The following DLGAP2 variants were observed in gnomAD, a reference collection of about 807,000 sequenced individuals.
DLGAP2 encodes the protein disks large-associated protein 2.
DLGAP2 carries 26 observed loss-of-function variants against 100.3 expected under a neutral mutation model. The ratio of observed to expected loss-of-function variants is 0.26; its 90% CI spans 0.19 to 0.36. The LOEUF is 0.36. Ranked by LOEUF, DLGAP2 falls within the 10% of genes least tolerant of loss-of-function variation. DLGAP2 has a pLI of 1.00. For missense variants in DLGAP2, 1,858 were observed against 1,453.2 expected (o/e 1.28, Z -4.53); for synonymous variants, 886 against 630.1 (o/e 1.41, Z -6.08).
chr8:1,307,963 T>G (rs1800528588), intron 3 of DLGAP2, among the ~76,000 whole-genome samples: 1 of 152,032 alleles, frequency 6.6e-6, no homozygotes, highest in Non-Finnish European at 1.5e-5. Flanking sequence ...GTGAATGTCC[T>G]TAACACACCA....
intron 5 of DLGAP2, among the ~76,000 whole-genome samples, chr8:1,556,583 G>A (rs1801973937): frequency 6.6e-6 from 1 of 152,210 alleles, no homozygotes; most frequent in Admixed American, 6.5e-5. Context: ...GAATGATCCT[G>A]GAAGGGCTGA....
chr8:915,044 C>A (rs958920954), intron 2 of DLGAP2, among the ~76,000 whole-genome samples: 1 of 152,238 alleles, frequency 6.6e-6, no homozygotes, highest in African/African-American at 2.4e-5. Context: ...ACAGGGCACA[C>A]TGCCACAGGT....
intron 2 of DLGAP2, among the ~76,000 whole-genome samples, chr8:1,258,137 T>G (rs78096046): frequency 6.6e-6 from 1 of 152,112 alleles, no homozygotes; most frequent in Non-Finnish European, 1.5e-5. Context: ...TACCCATGGA[T>G]TTTAGTGTTT....
intron 2 of DLGAP2, among the ~76,000 whole-genome samples, chr8:934,681 C>CT (rs1325833692): frequency 6.6e-6 from 1 of 152,078 alleles, no homozygotes; most frequent in East Asian, 1.9e-4. Context: ...ACTCATCCTG[C>CT]TTCATGCTCG....
At chr8:1,648,881 C>G (rs368524042) in intron 8 of DLGAP2, among the ~76,000 whole-genome samples, 6 of 152,162 alleles carry the variant, frequency 3.9e-5, no homozygotes, top group African/African-American at 1.2e-4. Flanking sequence ...AACCGCTGAT[C>G]TCACTTGAAA....
chr8:1,255,576 C>G (rs1408461527), intron 2 of DLGAP2, among the ~76,000 whole-genome samples: 1 of 131,598 alleles, frequency 7.6e-6, no homozygotes, highest in Non-Finnish European at 1.5e-5. Context: ...GTGTGTGTGT[C>G]CTTTCCTGCC....
At chr8:1,210,606 G>A (rs952688814) in intron 2 of DLGAP2, among the ~76,000 whole-genome samples, 1 of 152,204 alleles carries the variant, frequency 6.6e-6, no homozygotes, top group Admixed American at 6.5e-5. Flanking sequence ...GTATGGCATG[G>A]AGGGGCTCCC....
intron 2 of DLGAP2, among the ~76,000 whole-genome samples, chr8:1,018,270 T>G (rs2129023570): frequency 6.6e-6 from 1 of 152,298 alleles, no homozygotes; most frequent in African/African-American, 2.4e-5. Flanking sequence ...TAGGACTTCC[T>G]TCTTTGAACA....
At chr8:813,231 G>A (rs559473027) in intron 1 of DLGAP2, among the ~76,000 whole-genome samples, 1 of 151,202 alleles carries the variant, frequency 6.6e-6, no homozygotes, top group Non-Finnish European at 1.5e-5. Context: ...TTATCTCGTG[G>A]ATATCCTAGT....
At chr8:1,441,489 A>AC (rs1797831068) in intron 3 of DLGAP2, among the ~76,000 whole-genome samples, 1 of 152,060 alleles carries the variant, frequency 6.6e-6, no homozygotes, top group African/African-American at 2.4e-5. Flanking sequence ...AGAGATCAAG[A>AC]CCATCCTGGC....
At chr8:1,463,828 G>T (rs1798529833) in intron 3 of DLGAP2, among the ~76,000 whole-genome samples, 1 of 152,192 alleles carries the variant, frequency 6.6e-6, no homozygotes, top group African/African-American at 2.4e-5. Flanking sequence ...TGGAGGCGAT[G>T]GTGTGGTTTG....
At chr8:1,214,112 C>A (rs981544379) in intron 2 of DLGAP2, among the ~76,000 whole-genome samples, 1 of 152,166 alleles carries the variant, frequency 6.6e-6, no homozygotes, top group South Asian at 2.1e-4. Context: ...GGGGGCCTTG[C>A]GTCTTACCAC....
At chr8:1,203,707 A>G (rs1321398212) in intron 2 of DLGAP2, among the ~76,000 whole-genome samples, 7 of 152,192 alleles carry the variant, frequency 4.6e-5, no homozygotes, top group Non-Finnish European at 8.8e-5. Flanking sequence ...CTCGCTCTAT[A>G]CCCAACCACA....
chr8:1,262,538 C>T (rs760829591), intron 3 of DLGAP2: 1 of 148,672 alleles, frequency 6.7e-6, no homozygotes, highest in Non-Finnish European at 1.5e-5. Flanking sequence ...TTCTGCTTTG[C>T]AGAGACCTCT....
At chr8:1,432,787 C>T (rs73172533) in intron 3 of DLGAP2, among the ~76,000 whole-genome samples, 7,367 of 152,272 alleles carry the variant, frequency 0.048, 266 homozygotes, top group Non-Finnish European at 0.074. Flanking sequence ...TTCCCGCGAT[C>T]GCGTGTTTGG....
At chr8:1,620,499 C>T (rs1291470318) in intron 6 of DLGAP2, 1 of 152,332 alleles carries the variant, frequency 6.6e-6, no homozygotes, top group Non-Finnish European at 1.5e-5. Context: ...CTTTCACAGA[C>T]TTCTTGGAAG....
chr8:1,218,214 G>A (rs1798250040), intron 2 of DLGAP2, among the ~76,000 whole-genome samples: 1 of 152,238 alleles, frequency 6.6e-6, no homozygotes, highest in Non-Finnish European at 1.5e-5. Flanking sequence ...ATTTTTTATA[G>A]TTTTAGGTTT....
chr8:1,412,674 G>C (rs1796766172), intron 3 of DLGAP2, among the ~76,000 whole-genome samples: 1 of 152,166 alleles, frequency 6.6e-6, no homozygotes, highest in Non-Finnish European at 1.5e-5. Context: ...TCTTTGTGAA[G>C]GTCAGAGTCA....
intron 14 of DLGAP2, among the ~76,000 whole-genome samples, chr8:1,698,670 C>CCATGTA (rs1173931832): frequency 6.6e-6 from 1 of 151,538 alleles, no homozygotes; most frequent in Admixed American, 6.6e-5. Context: ...TGGGACAGGT[C>CCATGTA]AGTGTAAGCC....
Sources: allele counts gnomAD v4.1 joint callset (sites outside exome capture counted in the v4.1 genomes callset), GRCh38; gene constraint gnomAD v4.1.1; transcripts MANE v1.5; gene names NCBI Gene and HGNC (gene_info 2026-07-23, HGNC 2026-07-21).